The following GNPTG variants were observed in gnomAD, a reference collection of about 807,000 sequenced individuals.
GNPTG encodes N-acetylglucosamine-1-phosphate transferase subunit gamma, also known as N-acetylglucosamine-1-phosphotransferase subunit gamma.
GNPTG carries 46 observed loss-of-function variants against 43.8 expected under a neutral mutation model. The observed-to-expected ratio is 1.05, with a 90% CI of 0.83 to 1.34. GNPTG has a LOEUF of 1.34. Among genes scored for constraint, GNPTG ranks in the 40% most tolerant of loss-of-function variants. The pLI is 0.00. For synonymous variants in GNPTG, 250 were observed against 172.8 expected (o/e 1.45, Z -3.50); for missense variants, 549 against 411.3 (o/e 1.33, Z -2.90).
chr16:1,362,238 G>A lies in GNPTG; in HGVS notation c.444G>A (p.Leu148=). The A allele has an allele frequency of 6.2e-7, 1 of 1,613,586 alleles. No homozygotes were observed. The highest frequency in any genetic ancestry group is 8.5e-7 in the Non-Finnish European group (1 of 1,179,968). Reference sequence around the variant, plus strand: ...TGGCGTGTGGAAAAAGCAACCGGCTGGCCCATGTGTCCGAGCCGAGCACCT... The same window carrying A: ...TGGCGTGTGGAAAAAGCAACCGGCTAGCCCATGTGTCCGAGCCGAGCACCT... ...VELACGKSNR[L]AHVSEPSTCV... The change falls in exon 7 of 11, where the codon CTG becomes CTA. Residue 148 remains leucine (L), a synonymous_variant. Coordinates refer to ENST00000204679, the MANE Select transcript of GNPTG (RefSeq NM_032520.5).
At position 1,362,881 on chromosome 16, in the gene GNPTG, C is replaced by G. The variant is rs375787769; in HGVS notation, c.798C>G (p.His266Gln). The G allele has an allele frequency of 6.2e-6, 10 of 1,613,900 alleles. No individual in the cohort carries two copies. Among genetic ancestry groups the G allele is most frequent in the Non-Finnish European group, 6.8e-6 (8 of 1,180,018 alleles). ...GGCTGAAAGGTTTGCTCACCCAGCA[C>G]GGCATCCCCTACACGAGGCCCACAG... is the stretch of plus-strand genomic sequence containing the variant. ...IKRLKGLLTQ[H>Q]GIPYTRPTET... The change falls in exon 10 of 11, where the codon CAC (histidine) becomes CAG (glutamine). Residue 266 changes from histidine (H) to glutamine (Q), a missense_variant. Physicochemically the swap from His to Gln is conservative, Grantham distance 24. Transcript: ENST00000204679.
intron 3 of GNPTG, among the ~76,000 whole-genome samples, chr16:1,354,457 C>A (rs2034736742): frequency 6.6e-6 from 1 of 151,756 alleles, no homozygotes; most frequent in African/African-American, 2.4e-5. Context: ...ATAGTGGTAT[C>A]CTCCTGTAAT....
chr16:1,363,937 CG>C lies in GNPTG; in HGVS notation c.*849del, dbSNP rs1385736106. The C allele has an allele frequency of 1.3e-5, 2 of 152,212 alleles. No homozygotes were observed. Among genetic ancestry groups the C allele is most frequent in the Non-Finnish European group, 2.9e-5 (2 of 68,050 alleles). 9.4% of individuals were successfully genotyped at this position (152,212 alleles called of 1,614,324 possible). A position where few individuals can be genotyped will look rare whatever the true frequency, so the allele number is the denominator to read the frequency against. On this transcript the variant is annotated 3_prime_UTR_variant, in exon 11 of 11. Transcript: ENST00000204679. ...TGAGCCCTGGAGACACCCTGAGGGGCGGGCGCCACCTCCTTCCCAGAAAGAG... is the reference window on the plus strand; with the variant it reads ...TGAGCCCTGGAGACACCCTGAGGGGCGGCGCCACCTCCTTCCCAGAAAGAG...
intron 3 of GNPTG, among the ~76,000 whole-genome samples, chr16:1,357,115 G>C (rs2034792128): frequency 6.6e-6 from 1 of 152,192 alleles, no homozygotes; most frequent in Admixed American, 6.5e-5. Context: ...AGGTGTGACA[G>C]GGCTGAGGTA....
At position 1,361,746 on chromosome 16, in the gene GNPTG, C is replaced by G; in HGVS notation, c.182C>G (p.Pro61Arg). ...ATCAGTGTGAGGTCTCTTCCAGGACCCGTGCATCTCTTCCGACTCTCGGGC... is the reference window on the plus strand; with the variant it reads ...ATCAGTGTGAGGTCTCTTCCAGGACGCGTGCATCTCTTCCGACTCTCGGGC... ...AKRDPSPVSG[P>R]VHLFRLSGKC... The change falls in exon 4 of 11, where the codon CCC (proline) becomes CGC (arginine). Residue 61 changes from proline to arginine, a missense_variant. Transcript: ENST00000204679. 1.2e-6 allele frequency: 2 copies of G among 1,614,156 alleles called. No individual in the cohort carries two copies. Among genetic ancestry groups the G allele is most frequent in the Non-Finnish European group, 1.7e-6 (2 of 1,180,038 alleles).
intron 3 of GNPTG, chr16:1,361,042 C>G (rs1353395009): frequency 6.6e-6 from 1 of 152,460 alleles, no homozygotes; most frequent in Non-Finnish European, 1.5e-5. Context: ...AAGAGATTCT[C>G]CTGCCTCAGC....
rs202129898 is a variant in GNPTG at position 1,362,739 on chromosome 16, G to A, written c.738G>A (p.Arg246=). The A allele has an allele frequency of 6.8e-6, 11 of 1,613,958 alleles. No individual in the cohort carries two copies. Among genetic ancestry groups the A allele is most frequent in the Non-Finnish European group, 9.3e-6 (11 of 1,180,028 alleles). Residue 246 remains arginine, a synonymous_variant, in exon 9 of 11, where the codon AGG becomes AGA. Coordinates refer to ENST00000204679, the MANE Select transcript of GNPTG (RefSeq NM_032520.5). Reference sequence around the variant, plus strand: ...GGTTTGAGACCCTGGAAAACTGCAGGAAGGTACCGTATTGGGGGGAGGTGG... The same window carrying A: ...GGTTTGAGACCCTGGAAAACTGCAGAAAGGTACCGTATTGGGGGGAGGTGG... ...SLGFETLENC[R]KAHKELSKEI...
In GNPTG at chr16:1,352,002, G is replaced by A. The variant is rs771155803; in HGVS notation, c.37G>A (p.Gly13Arg). 6.9e-7 allele frequency: 1 copy of A among 1,451,620 alleles called. No individual in the cohort carries two copies. Among genetic ancestry groups the A allele is most frequent in the Non-Finnish European group, 9.0e-7 (1 of 1,106,818 alleles). 89.9% of individuals were successfully genotyped at this position (1,451,620 alleles called of 1,614,324 possible). A position where few individuals can be genotyped will look rare whatever the true frequency, so the allele number is the denominator to read the frequency against. ...AGLARLLLLL[G>R]LSAGGPAPAG... ...GCTGGCGCGGCTCCTGTTGCTCCTC[G>A]GGCTCTCGGCCGGCGGTGAGTGGCC... is the stretch of plus-strand genomic sequence containing the variant. The change falls in exon 1 of 11, where the codon GGG (glycine) becomes AGG (arginine). Residue 13 changes from glycine to arginine, a missense_variant. Coordinates refer to ENST00000204679, the MANE Select transcript of GNPTG (RefSeq NM_032520.5).
intron 4 of GNPTG, 27 bp from the exon 5 acceptor site, chr16:1,361,845 C>T (rs1401940685): frequency 6.2e-7 from 1 of 1,613,670 alleles, no homozygotes; most frequent in African/African-American, 1.3e-5. Context: ...AGCCTGCGGA[C>T]CCCCCTCATG....
chr16:1,360,042 A>C (rs1363773019), intron 3 of GNPTG, among the ~76,000 whole-genome samples: 1 of 152,020 alleles, frequency 6.6e-6, no homozygotes, highest in Admixed American at 6.6e-5. Context: ...CCAGTGGTGG[A>C]GATTGTAGTG....
intron 9 of GNPTG, 32 bp from the exon 10 acceptor site, chr16:1,362,793 G>A (rs757938105): frequency 2.5e-6 from 4 of 1,614,062 alleles, no homozygotes; most frequent in Middle Eastern, 1.6e-4. Context: ...CAGCACCTGG[G>A]CTTTCCCTTG....
At position 1,362,812 on chromosome 16, in the gene GNPTG, T is replaced by C; in HGVS notation, c.742-13T>C. 1 of 1,613,928 alleles carries C rather than the reference T, an allele frequency of 6.2e-7. No homozygotes were observed. Among genetic ancestry groups the C allele is most frequent in the Non-Finnish European group, 8.5e-7 (1 of 1,180,008 alleles). On this transcript the variant is annotated splice_polypyrimidine_tract_variant and intron_variant, in intron 9 of 10. Transcript: ENST00000204679. ...ACCTGGGCTTTCCCTTGAACTCTTT[T>C]TGTGGTTGGTAGGCTCATAAAGAAC...
Position 1,361,887 on chromosome 16 carries a change from C to A in GNPTG, c.249C>A (p.Phe83Leu). The change falls in exon 5 of 11, where the codon TTC becomes TTA. Residue 83 changes from phenylalanine to leucine, a missense_variant. Phe to Leu is a conservative substitution (Grantham distance 22). Transcript: ENST00000204679. Reference protein sequence around the residue: ...SLVESTYKYEFCPFHNVTQHE... With the variant: ...SLVESTYKYELCPFHNVTQHE... ...GTGTCCCCAGGTACAAGTATGAGTT[C>A]TGCCCGTTCCACAACGTGACCCAGC... The A allele has an allele frequency of 1.2e-6, 2 of 1,613,884 alleles. No individual in the cohort carries two copies. The highest frequency in any genetic ancestry group is 1.7e-6 in the Non-Finnish European group (2 of 1,180,024).
At position 1,362,659 on chromosome 16, in the gene GNPTG, A is replaced by AAGACCC. The variant is rs1268628530; in HGVS notation, c.659_664dup (p.Thr221_Pro222insGlnThr). 6.2e-7 allele frequency: 1 copy of AAGACCC among 1,613,988 alleles called. No homozygotes were observed. ...ACTTTTTGAGGATGCTGGCTACTTA[A>AAGACCC]AGACCCCAGAAGAAAATGAACCCAC... On this transcript the variant is annotated inframe_insertion, in exon 9 of 11. Transcript: ENST00000204679.
In GNPTG at chr16:1,351,959, C is replaced by G. The variant is rs1299832603; in HGVS notation, c.-7C>G. 4 of 1,293,572 alleles carry G rather than the reference C, an allele frequency of 3.1e-6. No homozygotes were observed. Among genetic ancestry groups the G allele is most frequent in the Admixed American group, 8.0e-5 (2 of 25,022 alleles). 80.1% of individuals were successfully genotyped at this position (1,293,572 alleles called of 1,614,324 possible). On this transcript the variant is annotated 5_prime_UTR_variant, in exon 1 of 11. Transcript: ENST00000204679. ...TCACGTGACCGCGCGGCGGCCGCTG[C>G]GGCGCGATGGCGGCGGGGCTGGCGC...
intron 3 of GNPTG, among the ~76,000 whole-genome samples, chr16:1,360,088 C>T (rs972070612): frequency 6.6e-6 from 1 of 151,036 alleles, no homozygotes; most frequent in Non-Finnish European, 1.5e-5. Context: ...AGCCTGGCGA[C>T]AATGCTAGAC....
In GNPTG at chr16:1,362,265, C is replaced by G. The variant is rs564859061; in HGVS notation, c.471C>G (p.Cys157Trp). ...CCCATGTGTCCGAGCCGAGCACCTG[C>G]GTCTACGCGCTGACGTTCGAGACCC... ...RLAHVSEPST[C>W]VYALTFETPL... The change falls in exon 7 of 11, where the codon TGC becomes TGG. Residue 157 changes from cysteine (C) to tryptophan (W), a missense_variant. Cys to Trp is a radical substitution (Grantham distance 215). Coordinates refer to ENST00000204679, the MANE Select transcript of GNPTG (RefSeq NM_032520.5). 2.5e-6 allele frequency: 4 copies of G among 1,613,518 alleles called. No individual in the cohort carries two copies. In the South Asian group the frequency reaches 4.4e-5, roughly 18 times the overall value.
chr16:1,359,361 C>T (rs2034832068), intron 3 of GNPTG, among the ~76,000 whole-genome samples: 1 of 152,160 alleles, frequency 6.6e-6, no homozygotes, highest in Admixed American at 6.5e-5. Context: ...CTCCACCTCC[C>T]AGGCTCAAGG....
intron 3 of GNPTG, among the ~76,000 whole-genome samples, chr16:1,359,426 G>A (rs1408903380): frequency 1.3e-5 from 2 of 151,718 alleles, no homozygotes; most frequent in African/African-American, 4.8e-5. Context: ...CCGCCATCAC[G>A]CCTGGCTAAT....
Sources: gnomAD v4.1 joint callset for allele counts (sites outside exome capture counted in the v4.1 genomes callset) on GRCh38, gnomAD v4.1.1 for gene constraint, MANE v1.5 for transcripts, NCBI Gene and HGNC (gene_info 2026-07-23, HGNC 2026-07-21) for gene names.